The following TBCE variants were observed in gnomAD, a reference collection of about 807,000 sequenced individuals.
The protein encoded by TBCE is tubulin-specific chaperone E.
A neutral mutation model predicts 77.0 loss-of-function variants in TBCE; 53 were observed. That is an observed-to-expected ratio of 0.69 (90% CI 0.55 to 0.87). The LOEUF is 0.87. Ranked by LOEUF, TBCE falls within the 40% of genes least tolerant of loss-of-function variation. TBCE has a pLI of 0.00. For synonymous variants in TBCE, 235 were observed against 241.3 expected (o/e 0.97, Z 0.24); for missense variants, 624 against 622.4 (o/e 1.00, Z -0.03).
intron 1 of TBCE, among the ~76,000 whole-genome samples, chr1:235,375,155 C>T (rs556813680): frequency 1.3e-5 from 2 of 151,430 alleles, no homozygotes; most frequent in African/African-American, 4.8e-5. Flanking sequence ...CTCCTGACCT[C>T]ATGATCCGCC....
At chr1:235,401,368 A>C (rs540625279) in intron 2 of TBCE, 135 bp from the exon 3 acceptor site, 1 of 741,312 alleles carries the variant, frequency 1.3e-6, no homozygotes, top group African/African-American at 1.7e-5. Context: ...TATAAGGCTA[A>C]CTTGTCCATT....
At chr1:235,439,230 G>A (rs937463806) in intron 13 of TBCE, among the ~76,000 whole-genome samples, 5 of 151,514 alleles carry the variant, frequency 3.3e-5, no homozygotes, top group African/African-American at 7.3e-5. Flanking sequence ...GGTGGCTCAG[G>A]CCTGTAATCC....
rs528197044 is a variant in TBCE, at chr1:235,448,887, A to G, written c.*125A>G. On this transcript the variant is annotated 3_prime_UTR_variant, in exon 17 of 17. Coordinates refer to ENST00000642610, the MANE Select transcript of TBCE (RefSeq NM_003193.5). ...GGGTTTACAACTTGTCCTAAGTATA[A>G]CAAGGGATGTATTTTTTGTTGGGAA... The G allele has an allele frequency of 1.5e-4, 113 of 753,378 alleles. No homozygotes were observed. Among genetic ancestry groups the G allele is most frequent in the Non-Finnish European group, 2.3e-4 (102 of 434,416 alleles). 46.7% of individuals were successfully genotyped at this position (753,378 alleles called of 1,614,324 possible).
At chr1:235,392,428 T>TTTTA (rs1678450799) in intron 2 of TBCE, among the ~76,000 whole-genome samples, 1 of 149,834 alleles carries the variant, frequency 6.7e-6, no homozygotes, top group African/African-American at 2.4e-5. Flanking sequence ...TTTTTTTTTT[T>TTTTA]AGACAGAGTC....
intron 2 of TBCE, among the ~76,000 whole-genome samples, chr1:235,395,007 C>G (rs1678641963): frequency 6.6e-6 from 1 of 152,162 alleles, no homozygotes; most frequent in Non-Finnish European, 1.5e-5. Context: ...TCCAGGCCAG[C>G]TTATATATTT....
chr1:235,448,758 G>C lies in TBCE; in HGVS notation c.1580G>C (p.Trp527Ser). The C allele has an allele frequency of 1.2e-6, 2 of 1,609,532 alleles. No homozygotes were observed. Among genetic ancestry groups the C allele is most frequent in the Non-Finnish European group, 1.7e-6 (2 of 1,176,078 alleles). The change falls in exon 17 of 17, where the codon TGG (tryptophan) becomes TCG (serine). Residue 527 changes from tryptophan (W) to serine (S), a missense_variant. By Grantham distance (177) the Trp-to-Ser change is radical (BLOSUM62 -3). Transcript: ENST00000642610. Reference protein sequence around the residue: ...VENGDCLLVRW With the variant: ...VENGDCLLVRS ...AATGGAGATTGTCTATTAGTGCGAT[G>C]GTGACAACCAACTAATAAAATTTAA...
intron 7 of TBCE, among the ~76,000 whole-genome samples, chr1:235,432,500 A>T (rs1170157739): frequency 6.6e-6 from 1 of 152,132 alleles, no homozygotes; most frequent in African/African-American, 2.4e-5. Context: ...GGGGCCAGAC[A>T]CTGGCACTGG....
rs1217505485 is a variant in TBCE at position 235,427,324 on chromosome 1, A to G, written c.560+85A>G. 9.2e-6 allele frequency: 10 copies of G among 1,085,832 alleles called. No individual in the cohort carries two copies. In the East Asian group the frequency reaches 1.7e-4, roughly 19 times the overall value. 67.3% of individuals were successfully genotyped at this position (1,085,832 alleles called of 1,614,324 possible). On this transcript the variant is annotated intron_variant, in intron 6 of 16. Transcript: ENST00000642610. ...TCACAGCATCTCTGTGGAAAGAGGT[A>G]GGGAGCCGGAAGGGTTAAGGCTGCC...
intron 1 of TBCE, among the ~76,000 whole-genome samples, chr1:235,376,651 T>G (rs536182818): frequency 4.6e-5 from 7 of 152,188 alleles, no homozygotes; most frequent in Admixed American, 3.9e-4. Context: ...TCCCCATGCC[T>G]GGTCTGACCC....
At chr1:235,446,331 C>T (rs1173801536) in intron 15 of TBCE, among the ~76,000 whole-genome samples, 1 of 152,104 alleles carries the variant, frequency 6.6e-6, no homozygotes, top group African/African-American at 2.4e-5. Flanking sequence ...TGCCCGCCAC[C>T]ATGCCTGGCT....
Position 235,448,698 on chromosome 1 carries a change from A to G in TBCE, c.1520A>G (p.Asn507Ser). The change falls in exon 17 of 17, where the codon AAT (asparagine) becomes AGT (serine). Residue 507 changes from asparagine to serine, a missense_variant. By Grantham distance (46) the Asn-to-Ser change is conservative (BLOSUM62 1). Transcript: ENST00000642610. ...CCGGGCAGAGAAATCGAGCTGGAAA[A>G]TGACCTAAAGTCATTACAGTTTTAT... ...KKPGREIELE[N>S]DLKSLQFYSV... 2.5e-6 allele frequency: 4 copies of G among 1,614,176 alleles called. No homozygotes were observed. The highest frequency in any genetic ancestry group is 2.5e-6 in the Non-Finnish European group (3 of 1,180,026).
Position 235,422,386 on chromosome 1 carries a change from G to A in TBCE, c.460+2825G>A, listed in dbSNP as rs558615945. On this transcript the variant is annotated intron_variant, in intron 5 of 16. Transcript: ENST00000642610. ...AAATTAACTGGGTATGGTTACGGAC[G>A]CCTCTAATCCCAGCTACTCAGGAGG... is the stretch of plus-strand genomic sequence containing the variant. Among the ~76,000 whole-genome samples, 10 of 151,808 alleles carry A rather than the reference G, an allele frequency of 6.6e-5. No individual in the cohort carries two copies. The East Asian group carries it at 1.9e-3, about 29-fold the overall frequency.
rs150286920 is a variant in TBCE at position 235,369,841 on chromosome 1, A to G, written c.-32+2337A>G. ...GGGCAAAACTCTGTCTCAAAAAAAAAAAAAAAGCCGAAGTCTTCAGAGTGG... is the reference window on the plus strand; with the variant it reads ...GGGCAAAACTCTGTCTCAAAAAAAAGAAAAAAGCCGAAGTCTTCAGAGTGG... On this transcript the variant is annotated intron_variant, in intron 1 of 16. Transcript: ENST00000642610. 3.6e-3 allele frequency among the ~76,000 whole-genome samples: 555 copies of G among 152,238 alleles called. 4 individuals are homozygous for G. The highest frequency in any genetic ancestry group is 0.013 in the African/African-American group (537 of 41,534).
chr1:235,448,322 G>T (rs111876307), intron 15 of TBCE, 27 bp from the exon 16 acceptor site: 1 of 1,601,074 alleles, frequency 6.2e-7, no homozygotes, highest in East Asian at 2.2e-5. Flanking sequence ...TTGAGAGAAC[G>T]AATGGACTTT....
intron 2 of TBCE, among the ~76,000 whole-genome samples, chr1:235,396,552 T>C (rs866171958): frequency 6.6e-6 from 1 of 152,236 alleles, no homozygotes; most frequent in Admixed American, 6.5e-5. Flanking sequence ...TTTTAGTTTT[T>C]TGAGGAATCT....
chr1:235,402,504 A>T (rs1335439982), intron 3 of TBCE, among the ~76,000 whole-genome samples: 1 of 152,042 alleles, frequency 6.6e-6, no homozygotes, highest in East Asian at 1.9e-4. Flanking sequence ...ATTAGTTTTC[A>T]ATTTCTGAAA....
intron 5 of TBCE, among the ~76,000 whole-genome samples, chr1:235,425,803 T>C (rs1286322623): frequency 6.6e-6 from 1 of 152,090 alleles, no homozygotes; most frequent in Non-Finnish European, 1.5e-5. Context: ...TCCTCCGCCA[T>C]GTGCTCCTCT....
At chr1:235,402,809 A>G (rs1486206675) in intron 3 of TBCE, among the ~76,000 whole-genome samples, 1 of 149,270 alleles carries the variant, frequency 6.7e-6, no homozygotes, top group Non-Finnish European at 1.5e-5. Flanking sequence ...AAATAAAAAT[A>G]AAAAAGAGAT....
chr1:235,383,697 C>T (rs933509505), intron 2 of TBCE, among the ~76,000 whole-genome samples: 29 of 152,214 alleles, frequency 1.9e-4, no homozygotes, highest in Non-Finnish European at 3.7e-4. Flanking sequence ...AGTTGCTTAT[C>T]AGCTTAAGGA....
Sources: allele counts gnomAD v4.1 joint callset (sites outside exome capture counted in the v4.1 genomes callset), GRCh38; gene constraint gnomAD v4.1.1; transcripts MANE v1.5; gene names NCBI Gene and HGNC (gene_info 2026-07-23, HGNC 2026-07-21).